The following RAB27B variants were observed in gnomAD, a reference collection of about 807,000 sequenced individuals.
RAB27B encodes the protein RAB27B, member RAS oncogene family.
Under a neutral mutation model 24.6 loss-of-function variants are expected in RAB27B, and 15 were observed. The ratio of observed to expected loss-of-function variants is 0.61; its 90% CI spans 0.41 to 0.94. RAB27B has a LOEUF of 0.94. Ranked by LOEUF, RAB27B falls within the 40% of genes least tolerant of loss-of-function variation. The pLI is 0.00. For missense variants in RAB27B, 261 were observed against 266.8 expected (o/e 0.98, Z 0.15); for synonymous variants, 105 against 92.5 (o/e 1.14, Z -0.78).
intron 2 of RAB27B, among the ~76,000 whole-genome samples, chr18:54,785,147 G>T (rs1337511746): frequency 6.6e-6 from 1 of 152,048 alleles, no homozygotes; most frequent in Admixed American, 6.5e-5. Flanking sequence ...TGTCGCCCAG[G>T]CTGGAGGGCA....
At chr18:54,841,198 T>C (rs1314180949) in intron 1 of RAB27B, among the ~76,000 whole-genome samples, 1 of 106,286 alleles carries the variant, frequency 9.4e-6, no homozygotes, top group African/African-American at 3.2e-5. Flanking sequence ...AAAATACAGG[T>C]AGTCCTCCCC....
chr18:54,778,543 T>C (rs1908787914), intron 2 of RAB27B, among the ~76,000 whole-genome samples: 1 of 152,234 alleles, frequency 6.6e-6, no homozygotes, highest in South Asian at 2.1e-4. Flanking sequence ...ACTGAGCTTC[T>C]GCTTTGTGCC....
intron 2 of RAB27B, among the ~76,000 whole-genome samples, chr18:54,799,409 A>G (rs746248956): frequency 1.5e-4 from 23 of 152,270 alleles, no homozygotes; most frequent in Non-Finnish European, 2.5e-4. Flanking sequence ...ATAATTTTGT[A>G]GGTCATAAGA....
chr18:54,769,292 A>C (rs915903878), intron 2 of RAB27B, among the ~76,000 whole-genome samples: 15 of 152,132 alleles, frequency 9.9e-5, no homozygotes, highest in African/African-American at 3.4e-4. Context: ...TTCCAAAATA[A>C]TTTCCTTTGA....
intron 1 of RAB27B, among the ~76,000 whole-genome samples, chr18:54,832,038 T>G (rs1423538921): frequency 1.3e-5 from 2 of 152,146 alleles, no homozygotes; most frequent in Non-Finnish European, 2.9e-5. Flanking sequence ...CCTCCCAAAG[T>G]GCTGGGATTA....
chr18:54,827,143 A>C (rs3764516), upstream of RAB27B, among the ~76,000 whole-genome samples: 110,079 of 152,136 alleles, frequency 0.72, 40,174 homozygotes, highest in Middle Eastern at 0.85. Flanking sequence ...GATTCCAAGC[A>C]TACATACTTT....
intron 2 of RAB27B, among the ~76,000 whole-genome samples, chr18:54,776,598 C>A (rs147515326): frequency 1.2e-3 from 177 of 152,198 alleles, no homozygotes; most frequent in African/African-American, 4.0e-3. Context: ...GCCATGATAC[C>A]CTGTGCAGAT....
chr18:54,812,602 A>G (rs1261771504), intron 2 of RAB27B, among the ~76,000 whole-genome samples: 1 of 133,888 alleles, frequency 7.5e-6, no homozygotes, highest in Non-Finnish European at 1.7e-5. Context: ...CACTCTTATG[A>G]ATACCTTTCA....
chr18:54,788,997 G>A (rs1233226444), intron 2 of RAB27B, among the ~76,000 whole-genome samples: 6 of 151,956 alleles, frequency 3.9e-5, no homozygotes, highest in East Asian at 1.9e-4. Context: ...ACAAATTCAC[G>A]GTCCTAAGTA....
intron 1 of RAB27B, among the ~76,000 whole-genome samples, chr18:54,876,700 A>G (rs531759242): frequency 1.3e-5 from 2 of 152,300 alleles, no homozygotes; most frequent in African/African-American, 4.8e-5. Flanking sequence ...AATGTTTTAA[A>G]TTAAAAAGGA....
At chr18:54,874,015 G>A (rs983399741) in intron 1 of RAB27B, among the ~76,000 whole-genome samples, 1 of 152,274 alleles carries the variant, frequency 6.6e-6, no homozygotes. Flanking sequence ...GTGTTAGCCT[G>A]GATTGTTCAC....
intron 1 of RAB27B, among the ~76,000 whole-genome samples, chr18:54,862,059 GAA>G (rs34216951): frequency 0.038 from 5,701 of 148,602 alleles, 359 homozygotes; most frequent in African/African-American, 0.13. Flanking sequence ...AGCATTTAAA[GAA>G]AAAAAAAAAA....
chr18:54,874,183 C>T (rs997649709), intron 1 of RAB27B, among the ~76,000 whole-genome samples: 1 of 152,168 alleles, frequency 6.6e-6, no homozygotes, highest in Non-Finnish European at 1.5e-5. Context: ...GAAGTAATCT[C>T]CCATGCTATG....
Position 54,893,783 on chromosome 18 carries a change from C to T in RAB27B, c.*4370C>T, listed in dbSNP as rs1468044320. ...CTACAATGACATTGTCATGCCAGAA[C>T]TATAAAGATAATTAGAGTTAAAAGT... On this transcript the variant is annotated 3_prime_UTR_variant, in exon 6 of 6. Coordinates refer to ENST00000262094, the MANE Select transcript of RAB27B (RefSeq NM_004163.4). The T allele has an allele frequency of 6.6e-6, 1 of 151,858 alleles. No homozygotes were observed. Among genetic ancestry groups the T allele is most frequent in the Non-Finnish European group, 1.5e-5 (1 of 67,890 alleles). The allele number at this position is 151,858 out of a possible 1,614,324, so 9.4% of individuals were successfully genotyped here.
At chr18:54,723,435 G>A (rs1260239419) in intron 2 of RAB27B, among the ~76,000 whole-genome samples, 1 of 152,078 alleles carries the variant, frequency 6.6e-6, no homozygotes, top group Admixed American at 6.6e-5. Context: ...ATTATGCTTG[G>A]AACAATTCTG....
chr18:54,765,612 C>G (rs1047394666), intron 2 of RAB27B, among the ~76,000 whole-genome samples: 3 of 152,132 alleles, frequency 2.0e-5, no homozygotes, highest in Non-Finnish European at 4.4e-5. Context: ...GAATTATTTA[C>G]TGCCTTAGGG....
intron 1 of RAB27B, among the ~76,000 whole-genome samples, chr18:54,858,547 C>T (rs534061724): frequency 1.0e-3 from 155 of 152,028 alleles, no homozygotes; most frequent in African/African-American, 3.5e-3. Flanking sequence ...GTACGCCCGG[C>T]TAATTTTTTC....
intron 1 of RAB27B, among the ~76,000 whole-genome samples, chr18:54,841,309 T>C (rs1911113679): frequency 6.6e-6 from 1 of 152,208 alleles, no homozygotes; most frequent in Admixed American, 6.5e-5. Context: ...TACAGACTTT[T>C]TGCTTCTCAT....
At chr18:54,771,510 G>A (rs1908548189) in intron 2 of RAB27B, among the ~76,000 whole-genome samples, 1 of 151,808 alleles carries the variant, frequency 6.6e-6, no homozygotes. Flanking sequence ...ATAATAGATG[G>A]CAATTTGGAA....
Sources: gnomAD v4.1 joint callset for allele counts (sites outside exome capture counted in the v4.1 genomes callset) on GRCh38, gnomAD v4.1.1 for gene constraint, MANE v1.5 for transcripts, NCBI Gene and HGNC (gene_info 2026-07-23, HGNC 2026-07-21) for gene names.